Variants in NLGN4Y observed in about 807,000 individuals in gnomAD.
The protein encoded by NLGN4Y is neuroligin 4 Y-linked, also known as neuroligin-4, Y-linked.
A neutral mutation model predicts 8.4 loss-of-function variants in NLGN4Y; 4 were observed. That is an observed-to-expected ratio of 0.48 (90% confidence interval 0.23 to 1.09). The LOEUF is 1.09. NLGN4Y is among the 50% of genes least tolerant of loss of function. NLGN4Y has a pLI of 0.19. For missense variants in NLGN4Y, 90 were observed against 192.3 expected, an observed-to-expected ratio of 0.47 and a Z score of 3.15; for synonymous variants, 35 against 75.6, an observed-to-expected ratio of 0.46 and a Z score of 2.78.
At chrY:14,686,829 G>A (rs2080793106) in intron 2 of NLGN4Y, among the ~76,000 whole-genome samples, 1 of 33,120 alleles carries the variant, frequency 3.0e-5, no homozygotes, top group Admixed American at 2.8e-4. Flanking sequence ...GACCCTCTAG[G>A]CAAAATTTCA....
At chrY:14,586,567 C>T (rs2080341902) in intron 1 of NLGN4Y, among the ~76,000 whole-genome samples, 1 of 32,583 alleles carries the variant, frequency 3.1e-5, no homozygotes, top group East Asian at 8.2e-4. Context: ...CATTGGCTCA[C>T]ACCTGTAATC....
intron 2 of NLGN4Y, among the ~76,000 whole-genome samples, chrY:14,672,885 C>G: frequency 3.4e-5 from 1 of 29,400 alleles, no homozygotes; most frequent in Non-Finnish European, 7.8e-5. Flanking sequence ...ATATCTACAA[C>G]TATCTGATCT....
At chrY:14,688,380 G>C in intron 2 of NLGN4Y, among the ~76,000 whole-genome samples, 1 of 33,220 alleles carries the variant, frequency 3.0e-5, no homozygotes, top group Non-Finnish European at 7.5e-5. Context: ...GGAGTGACTG[G>C]TAGTCATAGG....
intron 2 of NLGN4Y, among the ~76,000 whole-genome samples, chrY:14,686,125 T>G (rs920669602): frequency 3.0e-5 from 1 of 33,357 alleles, no homozygotes; most frequent in African/African-American, 1.2e-4. Context: ...GGTTCCCACA[T>G]GCCAGCTGCA....
At chrY:14,643,977 G>T in intron 2 of NLGN4Y, among the ~76,000 whole-genome samples, 1 of 33,068 alleles carries the variant, frequency 3.0e-5, no homozygotes. Context: ...GGGTTCTCAG[G>T]CTGGTGATAA....
intron 1 of NLGN4Y, among the ~76,000 whole-genome samples, chrY:14,580,334 G>A: frequency 4.2e-5 from 1 of 23,548 alleles, no homozygotes; most frequent in Admixed American, 4.5e-4. Context: ...TATTATGGTA[G>A]AATGATTTAT....
intron 2 of NLGN4Y, among the ~76,000 whole-genome samples, chrY:14,705,524 G>A: frequency 6.0e-5 from 2 of 33,332 alleles, no homozygotes; most frequent in Admixed American, 2.8e-4. Context: ...AGGCTTTACT[G>A]AATTATAGTG....
rs2043239777 is a variant in NLGN4Y at position 14,844,641 on chromosome Y, A to G, written c.*3379A>G. ...CTTGTAAGTCAAGGTCTTGCATGAT[A>G]ATCTTTGCTAAGTAGCAAGTAAAGA... On this transcript the variant is annotated 3_prime_UTR_variant, in exon 7 of 7. Coordinates refer to ENST00000684976, the MANE Select transcript of NLGN4Y (RefSeq NM_001365588.1). 2.9e-5 allele frequency: 1 copy of G among 33,958 alleles called. No homozygotes were observed. The highest frequency in any genetic ancestry group is 7.3e-5 in the Non-Finnish European group (1 of 13,628). 8.5% of individuals were successfully genotyped at this position (33,958 alleles called of 400,897 possible).
At chrY:14,815,639 G>A (rs372379237) in intron 4 of NLGN4Y, among the ~76,000 whole-genome samples, 1 of 33,367 alleles carries the variant, frequency 3.0e-5, no homozygotes, top group Non-Finnish European at 7.4e-5. Context: ...GATGGTATTC[G>A]TGGTTACAGG....
chrY:14,588,691 G>C (rs573862565), intron 1 of NLGN4Y, among the ~76,000 whole-genome samples: 9 of 33,682 alleles, frequency 2.7e-4, no homozygotes, highest in African/African-American at 6.9e-4. Context: ...TAATGTGTCT[G>C]GAATTGGTGG....
At chrY:14,610,657 G>T (rs2080464060) in intron 1 of NLGN4Y, among the ~76,000 whole-genome samples, 1 of 32,906 alleles carries the variant, frequency 3.0e-5, no homozygotes, top group African/African-American at 1.2e-4. Context: ...GTGTGATGTG[G>T]TGCTGAGAAG....
chrY:14,709,364 CTCTA>C (rs2080892798), intron 2 of NLGN4Y, among the ~76,000 whole-genome samples: 1 of 33,618 alleles, frequency 3.0e-5, no homozygotes, highest in African/African-American at 1.2e-4. Flanking sequence ...ATCAACCTAT[CTCTA>C]TCTAATCAAT....
chrY:14,687,370 G>T (rs913816195), intron 2 of NLGN4Y, among the ~76,000 whole-genome samples: 11 of 32,324 alleles, frequency 3.4e-4, no homozygotes, highest in South Asian at 7.0e-4. Context: ...CAGTGTAATT[G>T]TCTGCTCTCA....
intron 4 of NLGN4Y, chrY:14,733,368 A>G: frequency 5.8e-6 from 1 of 171,690 alleles, no homozygotes; most frequent in Non-Finnish European, 1.0e-5. Context: ...TATATTTTAA[A>G]TGTAGTTATA....
intron 2 of NLGN4Y, among the ~76,000 whole-genome samples, chrY:14,701,468 G>A: frequency 3.0e-5 from 1 of 33,352 alleles, no homozygotes; most frequent in East Asian, 7.9e-4. Flanking sequence ...CAGCACAAAG[G>A]TATCTCACCA....
chrY:14,758,270 G>C, intron 4 of NLGN4Y, among the ~76,000 whole-genome samples: 3 of 33,342 alleles, frequency 9.0e-5, no homozygotes, highest in Non-Finnish European at 1.5e-4. Flanking sequence ...TGGATTAAGG[G>C]CATCTTCTGA....
At chrY:14,831,587 T>C in intron 6 of NLGN4Y, among the ~76,000 whole-genome samples, 1 of 29,833 alleles carries the variant, frequency 3.4e-5, no homozygotes, top group Non-Finnish European at 7.8e-5. Context: ...TTTCTGTGTA[T>C]ATACATATAC....
intron 4 of NLGN4Y, among the ~76,000 whole-genome samples, chrY:14,744,679 G>A: frequency 2.9e-5 from 1 of 33,944 alleles, no homozygotes; most frequent in Admixed American, 2.7e-4. Context: ...CTTTAGTCAT[G>A]TGGGTTCATT....
chrY:14,629,800 G>C, intron 2 of NLGN4Y, among the ~76,000 whole-genome samples: 1 of 33,721 alleles, frequency 3.0e-5, no homozygotes, highest in Non-Finnish European at 7.3e-5. Flanking sequence ...CAGTTGGCAG[G>C]GGGAGAAGGA....
Sources: allele counts gnomAD v4.1 joint callset (sites outside exome capture counted in the v4.1 genomes callset), GRCh38; gene constraint gnomAD v4.1.1; transcripts MANE v1.5; gene names NCBI Gene and HGNC (gene_info 2026-07-23, HGNC 2026-07-21).